EMID1: variants seen among roughly 807,000 people sequenced by gnomAD.
EMID1 encodes the protein EMI domain containing 1, also known as EMI domain-containing protein 1.
Under a neutral mutation model 60.6 loss-of-function variants are expected in EMID1, and 40 were observed. The ratio of observed to expected loss-of-function variants is 0.66; its 90% CI spans 0.51 to 0.86. The LOEUF (loss-of-function observed/expected upper bound fraction) is 0.86. Among genes scored for constraint, EMID1 ranks in the 40% least tolerant of loss-of-function variants. The probability of loss-of-function intolerance (pLI) is 0.00; values close to 1 mark genes in which losing one functional copy is unlikely to be tolerated. For missense variants in EMID1, 585 were observed against 597.1 expected, an observed-to-expected ratio of 0.98 and a Z score of 0.21; for synonymous variants, 242 against 231.0, an observed-to-expected ratio of 1.05 and a Z score of -0.43.
At chr22:29,231,981 AGAG>A in intron 7 of EMID1, 2 of 587,276 alleles carry the variant, frequency 3.4e-6, no homozygotes, top group East Asian at 2.9e-5. Flanking sequence ...AGGGCTGGGC[AGAG>A]GAGAAGCAGC....
rs1438901304 is a variant in EMID1, at chr22:29,234,160, C to A, written c.990C>A (p.Pro330=). 5 of 1,598,958 alleles carry A rather than the reference C, an allele frequency of 3.1e-6. No individual in the cohort carries two copies. Among genetic ancestry groups the A allele is most frequent in the Non-Finnish European group, 4.3e-6 (5 of 1,172,480 alleles). ...GHIGPPGPTG[P]KGISGHPGEK... ...AGGGACCCCCAGGCCCCACTGGACC[C>A]AAAGGAATCTCTGGCCACCCAGGAG... is the stretch of plus-strand genomic sequence containing the variant. The change falls in exon 11 of 15, where the codon CCC becomes CCA. Residue 330 remains proline (P), a synonymous_variant. Coordinates refer to ENST00000334018, the MANE Select transcript of EMID1 (RefSeq NM_133455.4).
chr22:29,243,301 T>G, intron 12 of EMID1, 144 bp from the exon 13 acceptor site: 1 of 760,900 alleles, frequency 1.3e-6, no homozygotes, highest in Non-Finnish European at 2.2e-6. Context: ...AATCAGTTGG[T>G]TTTTGCTTTG....
intron 14 of EMID1, among the ~76,000 whole-genome samples, chr22:29,256,302 G>A (rs760503013): frequency 6.6e-5 from 10 of 151,818 alleles, no homozygotes; most frequent in South Asian, 2.1e-4. Flanking sequence ...GCGAAACCCC[G>A]TCTCTACTAA....
chr22:29,209,553 A>T lies in EMID1; in HGVS notation c.101+3414A>T, dbSNP rs117345553. On this transcript the variant is annotated intron_variant, in intron 1 of 14. Coordinates refer to ENST00000334018, the MANE Select transcript of EMID1 (RefSeq NM_133455.4). ...CCGGAGCTGCTGCCTGTTCTCCATC[A>T]TTCAGTCATTCAACAAACATCGCTG... Among the ~76,000 whole-genome samples, 669 of 152,306 alleles carry T rather than the reference A, an allele frequency of 4.4e-3. 5 individuals carry two copies. The highest frequency in any genetic ancestry group is 8.2e-3 in the Non-Finnish European group (556 of 68,004).
At chr22:29,219,948 A>G (rs2040230350) in intron 3 of EMID1, among the ~76,000 whole-genome samples, 1 of 152,080 alleles carries the variant, frequency 6.6e-6, no homozygotes. Context: ...TTTACTTTGC[A>G]GATTCAGAAT....
chr22:29,229,064 G>T (rs1272186554), intron 5 of EMID1, among the ~76,000 whole-genome samples: 1 of 152,158 alleles, frequency 6.6e-6, no homozygotes, highest in Admixed American at 6.5e-5. Flanking sequence ...TCTCTAGGCT[G>T]GGCATGGTGG....
intron 13 of EMID1, among the ~76,000 whole-genome samples, chr22:29,253,012 T>C (rs749435927): frequency 2.6e-5 from 4 of 152,250 alleles, no homozygotes; most frequent in Non-Finnish European, 5.9e-5. Context: ...ATTGACATAC[T>C]GATGGTCCCC....
At chr22:29,244,594 G>A (rs528641849) in intron 13 of EMID1, among the ~76,000 whole-genome samples, 5 of 149,768 alleles carry the variant, frequency 3.3e-5, no homozygotes, top group African/African-American at 1.2e-4. Flanking sequence ...AGCAGAGATC[G>A]CGCCACTGCA....
chr22:29,214,666 T>C (rs2040016530), intron 1 of EMID1, among the ~76,000 whole-genome samples: 1 of 152,114 alleles, frequency 6.6e-6, no homozygotes, highest in African/African-American at 2.4e-5. Context: ...CGCTTCCATC[T>C]TTCCCCTGCC....
chr22:29,244,025 T>C (rs960253577), intron 13 of EMID1, among the ~76,000 whole-genome samples: 2 of 152,204 alleles, frequency 1.3e-5, no homozygotes, highest in Non-Finnish European at 2.9e-5. Context: ...CGGAAATTCA[T>C]GAAGCCTGTG....
At chr22:29,211,086 C>T (rs567735430) in intron 1 of EMID1, among the ~76,000 whole-genome samples, 74 of 152,140 alleles carry the variant, frequency 4.9e-4, no homozygotes, top group South Asian at 8.3e-4. Flanking sequence ...AGAGGGCATG[C>T]GTGTGTGTGT....
intron 12 of EMID1, among the ~76,000 whole-genome samples, chr22:29,237,836 A>G (rs1001618956): frequency 6.3e-5 from 9 of 143,904 alleles, no homozygotes; most frequent in Non-Finnish European, 1.0e-4. Context: ...AGTTTCTGAC[A>G]CATAATTTTT....
At chr22:29,225,659 C>T (rs1198211877) in intron 4 of EMID1, among the ~76,000 whole-genome samples, 1 of 152,110 alleles carries the variant, frequency 6.6e-6, no homozygotes, top group Non-Finnish European at 1.5e-5. Context: ...CTGCCCCGCC[C>T]CAGGCCCCAC....
chr22:29,247,932 A>G (rs970594442), intron 13 of EMID1, among the ~76,000 whole-genome samples: 4 of 148,956 alleles, frequency 2.7e-5, no homozygotes, highest in African/African-American at 1.0e-4. Flanking sequence ...CGCTGGTGAA[A>G]TTAATTTTTT....
intron 3 of EMID1, among the ~76,000 whole-genome samples, chr22:29,221,572 C>T (rs1386948890): frequency 1.3e-5 from 2 of 152,140 alleles, no homozygotes; most frequent in Non-Finnish European, 2.9e-5. Context: ...GATGGGCTTT[C>T]ACCATGTTAG....
intron 12 of EMID1, among the ~76,000 whole-genome samples, chr22:29,236,856 G>A (rs1028397597): frequency 6.6e-6 from 1 of 150,690 alleles, no homozygotes; most frequent in African/African-American, 2.4e-5. Flanking sequence ...GAGTCTAGTG[G>A]CTGGATCTCG....
At chr22:29,219,775 C>T (rs1013244127) in intron 3 of EMID1, among the ~76,000 whole-genome samples, 5 of 152,106 alleles carry the variant, frequency 3.3e-5, no homozygotes, top group Non-Finnish European at 5.9e-5. Flanking sequence ...GAGCAAGATC[C>T]TGTCTCTAAA....
chr22:29,259,221 TCTG>T lies in EMID1; in HGVS notation c.*281_*283del. The T allele has an allele frequency of 2.2e-6, 1 of 457,850 alleles. No individual in the cohort carries two copies. The highest frequency in any genetic ancestry group is 3.8e-6 in the Non-Finnish European group (1 of 261,316). 28.4% of individuals were successfully genotyped at this position (457,850 alleles called of 1,614,324 possible). A position where few individuals can be genotyped will look rare whatever the true frequency, so the allele number is the denominator to read the frequency against. On this transcript the variant is annotated 3_prime_UTR_variant, in exon 15 of 15. Coordinates refer to ENST00000334018, the MANE Select transcript of EMID1 (RefSeq NM_133455.4). ...GATAGAGGTACAAGGCTTCGTCTCA[TCTG>T]CTGTCTGAGCATCCAGGCCCAAAGG...
intron 8 of EMID1, chr22:29,232,760 G>A (rs140846640): frequency 4.0e-4 from 87 of 217,500 alleles, no homozygotes; most frequent in Middle Eastern, 1.7e-3. Context: ...CCCGGCGGCA[G>A]GAAGTGAGTC....
Sources: allele counts gnomAD v4.1 joint callset (sites outside exome capture counted in the v4.1 genomes callset), GRCh38; gene constraint gnomAD v4.1.1; transcripts MANE v1.5; gene names NCBI Gene and HGNC (gene_info 2026-07-23, HGNC 2026-07-21).